ELAVL4: variants seen among roughly 807,000 people sequenced by gnomAD.
The protein encoded by ELAVL4 is ELAV like RNA binding protein 4.
In ELAVL4, 1 loss-of-function variant was observed where a neutral mutation model predicts 35.6. The observed-to-expected ratio is 0.03, with a 90% CI of 0.01 to 0.13. The LOEUF (loss-of-function observed/expected upper bound fraction) is 0.13, where lower values mean the gene tolerates loss of function less well. Ranked by LOEUF, ELAVL4 falls within the 10% of genes least tolerant of loss-of-function variation. The pLI is 1.00. For synonymous variants in ELAVL4, 156 were observed against 171.0 expected (o/e 0.91, Z 0.69); for missense variants, 267 against 464.9 (o/e 0.57, Z 3.91).
At chr1:50,199,838 A>C (rs974738015) in intron 6 of ELAVL4, among the ~76,000 whole-genome samples, 5 of 152,242 alleles carry the variant, frequency 3.3e-5, no homozygotes, top group African/African-American at 1.2e-4. Flanking sequence ...CATCTGGTAC[A>C]TCCCTCACAA....
At chr1:50,165,521 G>A (rs12026990) in intron 2 of ELAVL4, among the ~76,000 whole-genome samples, 43,322 of 148,164 alleles carry the variant, frequency 0.29, 6,422 homozygotes, top group Middle Eastern at 0.36. Context: ...GCATATATAC[G>A]TATATACATA....
At chr1:50,117,377 G>C (rs1464890468) in intron 1 of ELAVL4, among the ~76,000 whole-genome samples, 1 of 152,100 alleles carries the variant, frequency 6.6e-6, no homozygotes, top group African/African-American at 2.4e-5. Flanking sequence ...AGAGAACCGT[G>C]AGTCTGCCTC....
chr1:50,121,748 A>G (rs1669073760), intron 1 of ELAVL4, among the ~76,000 whole-genome samples: 1 of 152,088 alleles, frequency 6.6e-6, no homozygotes, highest in Admixed American at 6.6e-5. Context: ...TAGTTGTTTT[A>G]GATTTAATAT....
intron 1 of ELAVL4, among the ~76,000 whole-genome samples, chr1:50,052,494 CTT>C (rs1364000910): frequency 1.3e-5 from 2 of 152,182 alleles, no homozygotes; most frequent in African/African-American, 2.4e-5. Context: ...TTTATAGTAT[CTT>C]AGGTGATGGA....
chr1:50,191,728 T>C (rs538534598), intron 3 of ELAVL4, among the ~76,000 whole-genome samples: 2 of 152,160 alleles, frequency 1.3e-5, no homozygotes, highest in Non-Finnish European at 2.9e-5. Flanking sequence ...CTAGAGAAGA[T>C]GTCATTTGAT....
intron 3 of ELAVL4, among the ~76,000 whole-genome samples, chr1:50,190,699 T>C (rs1404075147): frequency 6.6e-6 from 1 of 152,230 alleles, no homozygotes; most frequent in African/African-American, 2.4e-5. Context: ...GGGAAATGGT[T>C]TTTGTTGTGT....
intron 1 of ELAVL4, among the ~76,000 whole-genome samples, chr1:50,087,363 C>CT (rs1449969066): frequency 6.6e-6 from 1 of 152,192 alleles, no homozygotes; most frequent in African/African-American, 2.4e-5. Flanking sequence ...GTCTTCCACT[C>CT]TAGTACTTTC....
At chr1:50,066,171 A>G (rs1308230854) in intron 1 of ELAVL4, among the ~76,000 whole-genome samples, 1 of 152,194 alleles carries the variant, frequency 6.6e-6, no homozygotes, top group Non-Finnish European at 1.5e-5. Context: ...TCCTTCTAGA[A>G]ATAAGAGAAA....
chr1:50,156,767 A>T (rs971639393), intron 2 of ELAVL4, among the ~76,000 whole-genome samples: 1 of 152,118 alleles, frequency 6.6e-6, no homozygotes. Flanking sequence ...CTGCATACCC[A>T]TGTCTGTCTG....
chr1:50,132,753 G>C (rs1671077222), intron 1 of ELAVL4, among the ~76,000 whole-genome samples: 1 of 152,086 alleles, frequency 6.6e-6, no homozygotes, highest in African/African-American at 2.4e-5. Context: ...ACTCCAAACT[G>C]GTTTGAAGGA....
At position 50,109,015 on chromosome 1, in the gene ELAVL4, T is replaced by TCGGG; in HGVS notation, c.-174_-173insGGGC. The TCGGG allele has an allele frequency of 8.3e-6, 8 of 960,878 alleles. No homozygotes were observed. Among genetic ancestry groups the TCGGG allele is most frequent in the Non-Finnish European group, 9.8e-6 (8 of 816,770 alleles). The allele number at this position is 960,878 out of a possible 1,614,324, so 59.5% of individuals were successfully genotyped here. On this transcript the variant is annotated 5_prime_UTR_variant, in exon 1 of 7. Coordinates refer to ENST00000371824, the MANE Select transcript of ELAVL4 (RefSeq NM_001144774.3). The stretch of plus-strand genomic sequence containing the variant: ...GCTCCTTTTCTTTTTTTTCTTTCTC[T>TCGGG]CCCCCGCCCACCCCCCCAAAAATAA...
chr1:50,157,252 G>T (rs1284619803), intron 2 of ELAVL4, among the ~76,000 whole-genome samples: 1 of 152,152 alleles, frequency 6.6e-6, no homozygotes, highest in Admixed American at 6.5e-5. Context: ...GCCATTCTGT[G>T]CCTCAGGTTG....
At chr1:50,183,477 A>C (rs1157042665) in intron 3 of ELAVL4, among the ~76,000 whole-genome samples, 2 of 152,150 alleles carry the variant, frequency 1.3e-5, no homozygotes, top group African/African-American at 4.8e-5. Context: ...AAGGTGTGTG[A>C]GGGAAGGCTT....
At chr1:50,053,795 T>C (rs1663519513) in intron 1 of ELAVL4, among the ~76,000 whole-genome samples, 2 of 152,132 alleles carry the variant, frequency 1.3e-5, no homozygotes, top group Non-Finnish European at 2.9e-5. Flanking sequence ...AAGTGCGTCA[T>C]AGAGCACGTT....
chr1:50,095,566 A>T (rs1400725460), intron 1 of ELAVL4, among the ~76,000 whole-genome samples: 2 of 152,206 alleles, frequency 1.3e-5, no homozygotes. Context: ...ACACACACAC[A>T]CATACAGCCA....
At chr1:50,069,967 G>C (rs757778968) in intron 1 of ELAVL4, among the ~76,000 whole-genome samples, 6 of 152,162 alleles carry the variant, frequency 3.9e-5, no homozygotes, top group Non-Finnish European at 7.4e-5. Flanking sequence ...TGTCAAGGCT[G>C]TTTTTAATAT....
In ELAVL4 at chr1:50,108,947, G is replaced by T; in HGVS notation, c.-243G>T. The T allele has an allele frequency of 8.3e-7, 1 of 1,201,590 alleles. No homozygotes were observed. Among genetic ancestry groups the T allele is most frequent in the South Asian group, 2.7e-5 (1 of 36,624 alleles). The allele number at this position is 1,201,590 out of a possible 1,614,324, so 74.4% of individuals were successfully genotyped here. A position where few individuals can be genotyped will look rare whatever the true frequency, so the allele number is the denominator to read the frequency against. On this transcript the variant is annotated 5_prime_UTR_variant, in exon 1 of 7. Coordinates refer to ENST00000371824, the MANE Select transcript of ELAVL4 (RefSeq NM_001144774.3). The stretch of plus-strand genomic sequence containing the variant: ...GCCAATTTCAGCAAGGCTCTGTTCA[G>T]TTGTTCTTATCTACATCCTAGAATC...
At chr1:50,056,183 A>G (rs761247237) in intron 1 of ELAVL4, among the ~76,000 whole-genome samples, 19 of 152,214 alleles carry the variant, frequency 1.2e-4, no homozygotes, top group Admixed American at 3.9e-4. Flanking sequence ...GATCTTACTC[A>G]GGTCACTGGA....
chr1:50,119,026 G>GAAAGAAAGAA, intron 1 of ELAVL4, among the ~76,000 whole-genome samples: 1 of 128,966 alleles, frequency 7.8e-6, no homozygotes, highest in Non-Finnish European at 1.6e-5. Flanking sequence ...AGAAAGGAAA[G>GAAAGAAAGAA]AAAGAAAGAA....
Sources: allele counts gnomAD v4.1 joint callset (sites outside exome capture counted in the v4.1 genomes callset), GRCh38; gene constraint gnomAD v4.1.1; transcripts MANE v1.5; gene names NCBI Gene and HGNC (gene_info 2026-07-23, HGNC 2026-07-21).